The following MACROD2 variants were observed in gnomAD, a reference collection of about 807,000 sequenced individuals.
MACROD2 encodes ADP-ribose glycohydrolase MACROD2.
Under a neutral mutation model 70.4 loss-of-function variants are expected in MACROD2, and 36 were observed. That is an observed-to-expected ratio of 0.51 (90% CI 0.39 to 0.68). MACROD2 has a LOEUF of 0.68. Among genes scored for constraint, MACROD2 ranks in the 30% least tolerant of loss-of-function variants. The probability of loss-of-function intolerance (pLI) is 0.00; values close to 1 mark genes in which losing one functional copy is unlikely to be tolerated. For synonymous variants in MACROD2, 172 were observed against 178.8 expected (o/e 0.96, Z 0.30); for missense variants, 496 against 538.4 (o/e 0.92, Z 0.78).
intron 5 of MACROD2, among the ~76,000 whole-genome samples, chr20:15,211,271 G>A (rs2076761373): frequency 6.6e-6 from 1 of 152,134 alleles, no homozygotes. Flanking sequence ...GCATTTATCA[G>A]TACTGCTTTC....
At chr20:14,501,482 A>G (rs1181187474) in intron 4 of MACROD2, among the ~76,000 whole-genome samples, 1 of 149,898 alleles carries the variant, frequency 6.7e-6, no homozygotes, top group East Asian at 1.9e-4. Flanking sequence ...TTTTTTTTTT[A>G]GCTTCAATAA....
At chr20:14,783,380 T>A (rs2072326120) in intron 5 of MACROD2, among the ~76,000 whole-genome samples, 1 of 152,182 alleles carries the variant, frequency 6.6e-6, no homozygotes, top group African/African-American at 2.4e-5. Context: ...TGCTTTTGGC[T>A]GAAATACTGG....
At chr20:15,677,698 AC>A (rs2050082881) in intron 8 of MACROD2, among the ~76,000 whole-genome samples, 1 of 21,248 alleles carries the variant, frequency 4.7e-5, no homozygotes, top group South Asian at 5.6e-4. Flanking sequence ...CAACCAACCA[AC>A]CAACCAAATA....
At chr20:15,149,516 C>A (rs1249658885) in intron 5 of MACROD2, among the ~76,000 whole-genome samples, 1 of 151,780 alleles carries the variant, frequency 6.6e-6, no homozygotes, top group Non-Finnish European at 1.5e-5. Flanking sequence ...GGGCCAGGAA[C>A]AATGGTAATT....
intron 5 of MACROD2, among the ~76,000 whole-genome samples, chr20:15,216,853 G>T (rs956632768): frequency 5.3e-5 from 8 of 151,948 alleles, no homozygotes; most frequent in African/African-American, 1.9e-4. Context: ...CTTTTTCTTT[G>T]CTTCATTTTT....
At chr20:14,955,009 T>TA (rs1362033666) in intron 5 of MACROD2, among the ~76,000 whole-genome samples, 65 of 97,600 alleles carry the variant, frequency 6.7e-4, no homozygotes, top group African/African-American at 2.5e-3. Flanking sequence ...ATATTTATAT[T>TA]TATATTATAT....
chr20:14,128,301 AG>A, intron 3 of MACROD2: 1 of 203,526 alleles, frequency 4.9e-6, no homozygotes, highest in African/African-American at 2.3e-5. Flanking sequence ...GGGAGGGTGT[AG>A]GGTTCAAACT....
intron 6 of MACROD2, among the ~76,000 whole-genome samples, chr20:15,402,165 G>A (rs6043255): frequency 0.044 from 6,649 of 152,082 alleles, 456 homozygotes; most frequent in African/African-American, 0.15. Flanking sequence ...CTATGGGTCA[G>A]GGGAGATCAA....
intron 12 of MACROD2, among the ~76,000 whole-genome samples, chr20:15,955,066 C>G (rs1201449628): frequency 6.6e-6 from 1 of 152,104 alleles, no homozygotes; most frequent in Non-Finnish European, 1.5e-5. Context: ...AGGAGCATCT[C>G]TGCTTGGGGT....
intron 5 of MACROD2, among the ~76,000 whole-genome samples, chr20:14,958,210 A>C (rs1344749003): frequency 3.3e-5 from 5 of 152,202 alleles, no homozygotes; most frequent in East Asian, 1.9e-4. Context: ...CAAAGGATGC[A>C]ACAAATTTAT....
intron 6 of MACROD2, among the ~76,000 whole-genome samples, chr20:15,288,548 C>G (rs1442055551): frequency 6.6e-6 from 1 of 152,184 alleles, no homozygotes; most frequent in African/African-American, 2.4e-5. Context: ...CAGTTACCAT[C>G]TAATTGGTCG....
At chr20:15,251,548 C>A (rs992066552) in intron 6 of MACROD2, among the ~76,000 whole-genome samples, 3 of 152,216 alleles carry the variant, frequency 2.0e-5, no homozygotes, top group African/African-American at 4.8e-5. Flanking sequence ...GTTGCATCAA[C>A]GTCAGAGAAT....
chr20:14,829,005 G>C (rs1429193222), intron 5 of MACROD2, among the ~76,000 whole-genome samples: 1 of 150,272 alleles, frequency 6.7e-6, no homozygotes, highest in East Asian at 1.9e-4. Context: ...GTGTGCCATG[G>C]TAGTTTGCTG....
intron 5 of MACROD2, among the ~76,000 whole-genome samples, chr20:14,969,920 A>G (rs1000669493): frequency 6.6e-6 from 1 of 152,156 alleles, no homozygotes; most frequent in African/African-American, 2.4e-5. Flanking sequence ...GCAAGACCCT[A>G]TTTATAAACT....
intron 7 of MACROD2, among the ~76,000 whole-genome samples, chr20:15,463,259 TA>T (rs2046842285): frequency 6.6e-6 from 1 of 152,152 alleles, no homozygotes; most frequent in Admixed American, 6.5e-5. Context: ...TTCTGAGAGC[TA>T]GTTTGGGTTC....
chr20:15,924,471 C>T (rs1016360280), intron 10 of MACROD2, among the ~76,000 whole-genome samples: 3 of 152,302 alleles, frequency 2.0e-5, no homozygotes, highest in African/African-American at 4.8e-5. Flanking sequence ...AAATACCCAA[C>T]ATTTATTCAT....
intron 5 of MACROD2, among the ~76,000 whole-genome samples, chr20:14,775,180 G>C (rs943764346): frequency 2.0e-5 from 3 of 152,058 alleles, no homozygotes; most frequent in African/African-American, 7.3e-5. Flanking sequence ...CTTTCTGCAT[G>C]ATCTCATTTT....
At chr20:14,581,269 G>A (rs1030596344) in intron 4 of MACROD2, among the ~76,000 whole-genome samples, 1 of 152,144 alleles carries the variant, frequency 6.6e-6, no homozygotes, top group African/African-American at 2.4e-5. Context: ...ATTACCTGGA[G>A]AACTCTAAAA....
At chr20:14,241,189 G>A (rs1197893486) in intron 3 of MACROD2, among the ~76,000 whole-genome samples, 4 of 152,098 alleles carry the variant, frequency 2.6e-5, no homozygotes, top group Admixed American at 6.5e-5. Flanking sequence ...TTTTTCTTTT[G>A]GAGCTTAGTA....
Sources: allele counts gnomAD v4.1 joint callset (sites outside exome capture counted in the v4.1 genomes callset), GRCh38; gene constraint gnomAD v4.1.1; transcripts MANE v1.5; gene names NCBI Gene and HGNC (gene_info 2026-07-23, HGNC 2026-07-21).